Variants in IL1RAPL2 observed in about 807,000 individuals in gnomAD.
The protein encoded by IL1RAPL2 is interleukin 1 receptor accessory protein like 2.
A neutral mutation model predicts 44.1 loss-of-function variants in IL1RAPL2; 3 were observed. The observed-to-expected ratio is 0.07, with a 90% CI of 0.03 to 0.18. The LOEUF (loss-of-function observed/expected upper bound fraction) is 0.18, where lower values mean the gene tolerates loss of function less well. Among genes scored for constraint, IL1RAPL2 ranks in the 10% least tolerant of loss-of-function variants. The pLI is 1.00. For missense variants in IL1RAPL2, 391 were observed against 496.4 expected, an observed-to-expected ratio of 0.79 and a Z score of 2.02; for synonymous variants, 181 against 178.8, an observed-to-expected ratio of 1.01 and a Z score of -0.10.
At chrX:105,676,256 G>A (rs2037871953) in intron 6 of IL1RAPL2, 1 of 111,916 alleles carries the variant, frequency 8.9e-6, no homozygotes, top group African/African-American at 3.2e-5. Context: ...AGAAAGTAAT[G>A]AGCTCATTTA....
At chrX:105,678,138 T>C (rs2037889178) in intron 6 of IL1RAPL2, among the ~76,000 whole-genome samples, 1 of 111,766 alleles carries the variant, frequency 8.9e-6, no homozygotes, top group Admixed American at 9.5e-5. Context: ...ACACAAACAA[T>C]ACATAAATAT....
At chrX:105,589,491 G>A (rs1315480938) in intron 6 of IL1RAPL2, among the ~76,000 whole-genome samples, 1 of 111,406 alleles carries the variant, frequency 9.0e-6, no homozygotes, top group Non-Finnish European at 1.9e-5. Flanking sequence ...TTTTATCCTA[G>A]GGTTTTTCGT....
Position 105,219,652 on chromosome X carries a change from G to A in IL1RAPL2, c.357-14166G>A, listed in dbSNP as rs190120031. ...TCCAGCAGCACCAGCAGCAGCCACC[G>A]CCGCCTCTTCTTCCTCCTCAGCTGC... On this transcript the variant is annotated intron_variant, in intron 3 of 10. Transcript: ENST00000372582. 1.4e-3 allele frequency: 1,632 copies of A among 1,208,404 alleles called. 22 individuals carry two copies. In the African/African-American group the frequency reaches 0.025, roughly 19 times the overall value.
At chrX:105,718,649 G>T (rs2038276875) in intron 7 of IL1RAPL2, among the ~76,000 whole-genome samples, 1 of 111,785 alleles carries the variant, frequency 8.9e-6, no homozygotes, top group Admixed American at 9.5e-5. Flanking sequence ...GCTGAGCACA[G>T]TTATTCAGGC....
chrX:105,024,668 A>G (rs1006092575), intron 2 of IL1RAPL2, among the ~76,000 whole-genome samples: 1 of 111,464 alleles, frequency 9.0e-6, no homozygotes, highest in African/African-American at 3.2e-5. Context: ...ATCAAAAGAG[A>G]AAAGAGGAAT....
intron 2 of IL1RAPL2, among the ~76,000 whole-genome samples, chrX:104,982,177 G>C (rs933848585): frequency 2.7e-5 from 3 of 110,478 alleles, no homozygotes; most frequent in African/African-American, 9.9e-5. Context: ...CGTGATTCCT[G>C]TTCATTAATA....
intron 2 of IL1RAPL2, among the ~76,000 whole-genome samples, chrX:104,716,594 G>T (rs985148446): frequency 9.1e-6 from 1 of 110,082 alleles, no homozygotes; most frequent in Non-Finnish European, 1.9e-5. Context: ...AAACAATCCC[G>T]TTAAAAAATA....
intron 2 of IL1RAPL2, among the ~76,000 whole-genome samples, chrX:104,675,792 G>T (rs1047571491): frequency 2.4e-4 from 26 of 110,174 alleles, no homozygotes; most frequent in African/African-American, 8.3e-4. Context: ...CCTGTATTGG[G>T]TGCATATATA....
intron 2 of IL1RAPL2, among the ~76,000 whole-genome samples, chrX:104,707,164 T>G (rs1490999399): frequency 9.0e-6 from 1 of 111,368 alleles, no homozygotes; most frequent in Non-Finnish European, 1.9e-5. Context: ...TATCACCGAA[T>G]CTGTCAGATT....
intron 2 of IL1RAPL2, among the ~76,000 whole-genome samples, chrX:104,943,339 A>G (rs1256998879): frequency 1.8e-5 from 2 of 111,614 alleles, no homozygotes; most frequent in African/African-American, 6.5e-5. Context: ...CCAGACTTGT[A>G]TAACCAACTT....
At chrX:105,273,507 T>C (rs952272080) in intron 5 of IL1RAPL2, among the ~76,000 whole-genome samples, 1 of 112,069 alleles carries the variant, frequency 8.9e-6, no homozygotes, top group African/African-American at 3.2e-5. Context: ...TTGACCTACC[T>C]TGTTTAACTA....
At chrX:105,743,249 C>T (rs1472109636) in intron 8 of IL1RAPL2, among the ~76,000 whole-genome samples, 5 of 111,955 alleles carry the variant, frequency 4.5e-5, no homozygotes, top group African/African-American at 1.6e-4. Context: ...AGTTCCTTCC[C>T]TTTCCACTAA....
chrX:105,552,558 T>C (rs2036865594), intron 6 of IL1RAPL2, among the ~76,000 whole-genome samples: 1 of 112,123 alleles, frequency 8.9e-6, no homozygotes, highest in Admixed American at 9.5e-5. Context: ...GTGGAAATGA[T>C]GTAAGCTACT....
chrX:104,665,008 G>A (rs1930463848), intron 2 of IL1RAPL2, among the ~76,000 whole-genome samples: 1 of 110,539 alleles, frequency 9.0e-6, no homozygotes, highest in Non-Finnish European at 1.9e-5. Context: ...AAGTTGTACA[G>A]TCAGAGTGAT....
chrX:104,897,169 A>C (rs1923677085), intron 2 of IL1RAPL2, among the ~76,000 whole-genome samples: 1 of 112,187 alleles, frequency 8.9e-6, no homozygotes, highest in Non-Finnish European at 1.9e-5. Context: ...ACTTATCAGG[A>C]TCACAGGCAG....
intron 1 of IL1RAPL2, among the ~76,000 whole-genome samples, chrX:104,614,883 T>C (rs769552298): frequency 1.2e-4 from 13 of 111,929 alleles, no homozygotes; most frequent in African/African-American, 4.2e-4. Flanking sequence ...ATTACATTTA[T>C]ATGTGAGATG....
chrX:105,213,698 G>A (rs558636971), intron 3 of IL1RAPL2, among the ~76,000 whole-genome samples: 41 of 110,950 alleles, frequency 3.7e-4, no homozygotes, highest in African/African-American at 1.2e-3. Context: ...AGGTTGAAAC[G>A]GAAAAAATAT....
intron 2 of IL1RAPL2, among the ~76,000 whole-genome samples, chrX:104,733,641 A>AAT (rs1205977311): frequency 1.9e-5 from 2 of 107,026 alleles, no homozygotes; most frequent in African/African-American, 6.7e-5. Flanking sequence ...TAATAATAAT[A>AAT]ATAATAGTAA....
intron 2 of IL1RAPL2, among the ~76,000 whole-genome samples, chrX:105,174,088 T>C (rs2033450639): frequency 9.0e-6 from 1 of 111,186 alleles, no homozygotes; most frequent in African/African-American, 3.3e-5. Flanking sequence ...GTCTCATCTT[T>C]ACCCTCCTAC....
Sources: gnomAD v4.1 joint callset for allele counts (sites outside exome capture counted in the v4.1 genomes callset) on GRCh38, gnomAD v4.1.1 for gene constraint, MANE v1.5 for transcripts, NCBI Gene and HGNC (gene_info 2026-07-23, HGNC 2026-07-21) for gene names.